The following PHF6 variants were observed in gnomAD, a reference collection of about 807,000 sequenced individuals.
The protein encoded by PHF6 is PHD finger protein 6.
A neutral mutation model predicts 34.0 loss-of-function variants in PHF6; 7 were observed. The ratio of observed to expected loss-of-function variants is 0.21; its 90% CI spans 0.12 to 0.39. PHF6 has a LOEUF of 0.39. PHF6 is among the 10% of genes least tolerant of loss of function. PHF6 has a pLI of 1.00. For missense variants in PHF6, 128 were observed against 262.8 expected (o/e 0.49, Z 3.55); for synonymous variants, 89 against 88.4 (o/e 1.01, Z -0.04).
chrX:134,412,111 G>A (rs6638227), intron 5 of PHF6, among the ~76,000 whole-genome samples: 34,115 of 111,506 alleles, frequency 0.31, 4,369 homozygotes, highest in East Asian at 0.65. Flanking sequence ...ATTAAGTAGT[G>A]TATTCTGACA....
intron 1 of PHF6, among the ~76,000 whole-genome samples, chrX:134,376,915 C>T (rs1488469342): frequency 2.7e-5 from 3 of 111,241 alleles, no homozygotes; most frequent in Admixed American, 9.6e-5. Flanking sequence ...TAGGTAAATT[C>T]GTTTTACTTT....
chrX:134,392,864 A>G (rs1341165183), intron 3 of PHF6, among the ~76,000 whole-genome samples: 1 of 108,986 alleles, frequency 9.2e-6, no homozygotes, highest in African/African-American at 3.4e-5. Context: ...CAGTGGCACG[A>G]TCTTGGCTCA....
chrX:134,408,211 A>G (rs964406557), intron 5 of PHF6, among the ~76,000 whole-genome samples: 23 of 112,717 alleles, frequency 2.0e-4, no homozygotes, highest in Non-Finnish European at 3.7e-5. Flanking sequence ...TACAGGCGTG[A>G]GCCACTGCGT....
In PHF6 at chrX:134,393,939, A is replaced by G. The variant is rs1435166790; in HGVS notation, c.405A>G (p.Ala135=). ...ATTGCCGAAAACACAAGAAAACTGC[A>G]CATAACTCCGAAGGTACATCATTTA... ...MVYCRKHKKT[A]HNSEADLEES... is the part of the protein sequence containing the mutation. Residue 135 remains alanine (A), a synonymous_variant, in exon 5 of 11, where the codon GCA becomes GCG. Transcript: ENST00000370803. 4.1e-6 allele frequency: 5 copies of G among 1,209,060 alleles called. No homozygotes were observed. Among genetic ancestry groups the G allele is most frequent in the African/African-American group, 1.8e-5 (1 of 57,091 alleles).
Position 134,423,295 on chromosome X carries a change from G to A in PHF6, c.969-1906G>A, listed in dbSNP as rs1187987780. Among the ~76,000 whole-genome samples, 6 of 111,587 alleles carry A rather than the reference G, an allele frequency of 5.4e-5. No individual in the cohort carries two copies. In the East Asian group the frequency reaches 1.1e-3, roughly 21 times the overall value. ...TGATATGTCTCTTAAGTCTAAATACGGACATACTTGTCCCCTTACTTATTG... is the reference window on the plus strand; with the variant it reads ...TGATATGTCTCTTAAGTCTAAATACAGACATACTTGTCCCCTTACTTATTG... On this transcript the variant is annotated intron_variant, in intron 9 of 10. Transcript: ENST00000370803.
At chrX:134,422,931 A>G (rs2077496855) in intron 9 of PHF6, among the ~76,000 whole-genome samples, 1 of 112,227 alleles carries the variant, frequency 8.9e-6, no homozygotes, top group African/African-American at 3.2e-5. Context: ...GGAACTTCCT[A>G]TTAAAAAGAC....
At chrX:134,403,181 G>C (rs1471922924) in intron 5 of PHF6, among the ~76,000 whole-genome samples, 1 of 112,424 alleles carries the variant, frequency 8.9e-6, no homozygotes, top group Non-Finnish European at 1.9e-5. Context: ...CAGGCCAAAA[G>C]CTAGGCCTCT....
intron 5 of PHF6, among the ~76,000 whole-genome samples, chrX:134,399,670 G>GACAC (rs980086441): frequency 1.1e-5 from 1 of 92,867 alleles, no homozygotes; most frequent in Non-Finnish European, 2.2e-5. Context: ...CACACACACA[G>GACAC]ACACACACAC....
chrX:134,415,170 T>G (rs766888205), intron 8 of PHF6, 50 bp downstream of exon 8: 11 of 1,208,240 alleles, frequency 9.1e-6, no homozygotes, highest in Non-Finnish European at 1.2e-5. Flanking sequence ...ATTTGCTGCT[T>G]TAAATTTAGA....
intron 1 of PHF6, 34 bp downstream of exon 1, chrX:134,373,501 C>T (rs979031188): frequency 1.2e-4 from 13 of 112,184 alleles, no homozygotes; most frequent in African/African-American, 3.6e-4. Context: ...GCCCCCCATT[C>T]TCTCCCCGGC....
intron 9 of PHF6, among the ~76,000 whole-genome samples, chrX:134,423,614 T>C (rs756960366): frequency 1.8e-5 from 2 of 112,197 alleles, no homozygotes; most frequent in East Asian, 2.8e-4. Flanking sequence ...TTGAAAGTTA[T>C]TGAAAATGTT....
intron 2 of PHF6, 46 bp downstream of exon 2, chrX:134,377,801 C>A: frequency 8.8e-7 from 1 of 1,141,917 alleles, no homozygotes; most frequent in Non-Finnish European, 1.2e-6. Flanking sequence ...ATTCATGAGA[C>A]TCTTAATAAC....
chrX:134,413,359 C>A, intron 5 of PHF6, 132 bp from the exon 6 acceptor site: 2 of 605,791 alleles, frequency 3.3e-6, no homozygotes, highest in Non-Finnish European at 5.2e-6. Context: ...CTTTATTGAA[C>A]ATACCACAGA....
chrX:134,417,724 T>C (rs771021932), intron 9 of PHF6: 3 of 118,126 alleles, frequency 2.5e-5, no homozygotes, highest in South Asian at 6.3e-4. Flanking sequence ...CCAGGTGTGG[T>C]GGCAGGCACC....
intron 3 of PHF6, among the ~76,000 whole-genome samples, chrX:134,392,284 C>A: frequency 1.8e-5 from 2 of 111,829 alleles, no homozygotes. Flanking sequence ...ACAAGGTGTC[C>A]AGCAACCAAG....
At chrX:134,402,025 T>A (rs1481051122) in intron 5 of PHF6, among the ~76,000 whole-genome samples, 1 of 112,007 alleles carries the variant, frequency 8.9e-6, no homozygotes, top group East Asian at 2.8e-4. Flanking sequence ...AGACAGAGTC[T>A]CATTCTGTTG....
intron 1 of PHF6, 89 bp from the exon 2 acceptor site, chrX:134,377,483 C>G (rs1160597114): frequency 3.0e-6 from 2 of 665,632 alleles, no homozygotes; most frequent in African/African-American, 2.3e-5. Flanking sequence ...TATATTAAAA[C>G]CTAGGTCAAA....
chrX:134,427,490 AT>A lies in PHF6; in HGVS notation c.*1840del, dbSNP rs149825333. The A allele has an allele frequency of 3.7e-3, 534 of 144,760 alleles. No individual in the cohort carries two copies. Among genetic ancestry groups the A allele is most frequent in the East Asian group, 5.8e-3 (51 of 8,853 alleles). The allele number at this position is 144,760 out of a possible 1,213,427, so 11.9% of individuals were successfully genotyped here. On this transcript the variant is annotated 3_prime_UTR_variant, in exon 11 of 11. Transcript: ENST00000370803. ...TCATTTTTGGACAACTACTGTAATC[AT>A]TTTTTTTTTAGGAAAAATGGAAGGT... is the stretch of plus-strand genomic sequence containing the variant.
Position 134,425,293 on chromosome X carries a change from A to G in PHF6, c.1061A>G (p.Gln354Arg), listed in dbSNP as rs1312381802. 8.3e-7 allele frequency: 1 copy of G among 1,211,618 alleles called. No individual in the cohort carries two copies. The highest frequency in any genetic ancestry group is 1.1e-6 in the Non-Finnish European group (1 of 895,181). The change falls in exon 10 of 11, where the codon CAG becomes CGG. Residue 354 changes from glutamine (Q) to arginine (R), a missense_variant. By Grantham distance (43) the Gln-to-Arg change is conservative (BLOSUM62 1). Coordinates refer to ENST00000370803, the MANE Select transcript of PHF6 (RefSeq NM_001015877.2). ...AGCCGAGGAAAAGTAGAAATTGATC[A>G]GCAACAACTAACTCAGCAGCAACTT... The part of the protein sequence containing the change: ...SKSRGKVEID[Q>R]QQLTQQQLNG...
Sources: gnomAD v4.1 joint callset for allele counts (sites outside exome capture counted in the v4.1 genomes callset) on GRCh38, gnomAD v4.1.1 for gene constraint, MANE v1.5 for transcripts, NCBI Gene and HGNC (gene_info 2026-07-23, HGNC 2026-07-21) for gene names.